The following CLVS1 variants were observed in gnomAD, a reference collection of about 807,000 sequenced individuals.
The protein encoded by CLVS1 is clavesin-1.
In CLVS1, 10 loss-of-function variants were observed where a neutral mutation model predicts 33.1. The observed-to-expected ratio is 0.30, with a 90% CI of 0.19 to 0.51. CLVS1 has a LOEUF of 0.51. CLVS1 is among the 20% of genes least tolerant of loss of function. The pLI, the probability that CLVS1 is intolerant of heterozygous loss-of-function variation, is 0.97. For synonymous variants in CLVS1, 163 were observed against 166.1 expected (o/e 0.98, Z 0.14); for missense variants, 343 against 433.4 (o/e 0.79, Z 1.85).
the CLVS1 span, among the ~76,000 whole-genome samples, chr8:61,044,049 A>T: frequency 0.011 from 1,641 of 152,356 alleles, 22 homozygotes; most frequent in African/African-American, 0.037. Context: ...TGATTCATTT[A>T]TCAAGTGACA....
chr8:61,246,035 GT>G (rs1280759291), intron 2 of CLVS1, among the ~76,000 whole-genome samples: 1 of 151,938 alleles, frequency 6.6e-6, no homozygotes, highest in Non-Finnish European at 1.5e-5. Context: ...GCCTCCCAAA[GT>G]TTTGGGATTA....
intron 3 of CLVS1, among the ~76,000 whole-genome samples, chr8:61,417,527 C>T (rs765744289): frequency 5.3e-5 from 8 of 152,144 alleles, no homozygotes; most frequent in Non-Finnish European, 1.2e-4. Flanking sequence ...TTTCTTTGAC[C>T]ACTGTGGGAT....
the CLVS1 span, among the ~76,000 whole-genome samples, chr8:60,978,880 A>T: frequency 3.0e-4 from 46 of 152,026 alleles, no homozygotes; most frequent in African/African-American, 1.0e-3. Context: ...AAAATGGTAC[A>T]CTATAACACT....
chr8:61,004,406 G>A, the CLVS1 span, among the ~76,000 whole-genome samples: 1 of 152,210 alleles, frequency 6.6e-6, no homozygotes, highest in African/African-American at 2.4e-5. Context: ...GCATCCATAA[G>A]AATGCATTGA....
chr8:61,484,968 G>C (rs1316294779), intron 5 of CLVS1, among the ~76,000 whole-genome samples: 1 of 152,002 alleles, frequency 6.6e-6, no homozygotes, highest in Non-Finnish European at 1.5e-5. Flanking sequence ...GACTTAAATG[G>C]TAGACCTAAA....
intron 3 of CLVS1, among the ~76,000 whole-genome samples, chr8:61,424,599 C>T (rs10102513): frequency 0.024 from 3,653 of 152,180 alleles, 156 homozygotes; most frequent in African/African-American, 0.084. Context: ...AATTAGAGCA[C>T]GTATAATAGT....
chr8:61,169,609 G>A (rs1423174943), intron 2 of CLVS1, among the ~76,000 whole-genome samples: 2 of 152,214 alleles, frequency 1.3e-5, no homozygotes, highest in Admixed American at 6.5e-5. Context: ...TCTTACCACT[G>A]CCCCGAAGAA....
At chr8:61,201,283 C>A (rs1263627248) in intron 2 of CLVS1, among the ~76,000 whole-genome samples, 1 of 152,098 alleles carries the variant, frequency 6.6e-6, no homozygotes, top group East Asian at 1.9e-4. Context: ...GAGGCCCAGC[C>A]AACTTAGTGA....
At chr8:61,039,895 G>A in the CLVS1 span, among the ~76,000 whole-genome samples, 1 of 152,194 alleles carries the variant, frequency 6.6e-6, no homozygotes, top group East Asian at 1.9e-4. Flanking sequence ...TGTTACATGA[G>A]CATATTGCAT....
intron 3 of CLVS1, among the ~76,000 whole-genome samples, chr8:61,380,406 C>T (rs1813824266): frequency 6.6e-6 from 1 of 152,090 alleles, no homozygotes; most frequent in African/African-American, 2.4e-5. Flanking sequence ...CAAAATTTAT[C>T]TTGTATCAGC....
At chr8:61,232,031 T>G (rs3021447) in intron 2 of CLVS1, among the ~76,000 whole-genome samples, 4 of 62,440 alleles carry the variant, frequency 6.4e-5, no homozygotes, top group African/African-American at 1.7e-4. Context: ...TGGTTTTTTT[T>G]TTTTTTTTTT....
At chr8:61,215,096 T>C (rs1381888277) in intron 2 of CLVS1, among the ~76,000 whole-genome samples, 1 of 152,150 alleles carries the variant, frequency 6.6e-6, no homozygotes, top group African/African-American at 2.4e-5. Flanking sequence ...GATAGCCCCA[T>C]TCCAACCCTA....
rs1811816556 is a variant in CLVS1, at chr8:61,336,615, A to G, written c.455+36333A>G. Among the ~76,000 whole-genome samples the G allele has an allele frequency of 2.0e-5, 3 of 152,348 alleles. No homozygotes were observed. The South Asian group carries it at 6.2e-4, about 32-fold the overall frequency. On this transcript the variant is annotated intron_variant, in intron 2 of 5. Transcript: ENST00000325897. ...GAAAACATGTGCATAAAAGGAGGAA[A>G]GAGGCCAAAGCAGAAAGAGGAGACT...
At chr8:61,398,038 A>G (rs574574393) in intron 3 of CLVS1, among the ~76,000 whole-genome samples, 1 of 152,166 alleles carries the variant, frequency 6.6e-6, no homozygotes, top group Non-Finnish European at 1.5e-5. Context: ...TGCACAAAAA[A>G]GGAGCTTGGA....
chr8:61,378,369 T>C (rs1585885862), intron 3 of CLVS1: 1 of 152,194 alleles, frequency 6.6e-6, no homozygotes, highest in East Asian at 1.9e-4. Context: ...TACATTGATG[T>C]GAACCTACTG....
At chr8:61,241,351 C>T (rs1808694140) in intron 2 of CLVS1, among the ~76,000 whole-genome samples, 1 of 151,998 alleles carries the variant, frequency 6.6e-6, no homozygotes, top group African/African-American at 2.4e-5. Context: ...TTCAAATTTT[C>T]AACCATCCTT....
At chr8:61,255,516 A>T (rs1385212404) in intron 2 of CLVS1, among the ~76,000 whole-genome samples, 1 of 152,206 alleles carries the variant, frequency 6.6e-6, no homozygotes, top group African/African-American at 2.4e-5. Flanking sequence ...AGGAGCGAAA[A>T]TAAACCAGTA....
chr8:61,368,746 G>A (rs1813313607), intron 2 of CLVS1, among the ~76,000 whole-genome samples: 1 of 152,308 alleles, frequency 6.6e-6, no homozygotes, highest in South Asian at 2.1e-4. Flanking sequence ...GTTATCAGAT[G>A]TTTGAATATA....
At chr8:61,487,224 A>G (rs1339995422) in intron 5 of CLVS1, among the ~76,000 whole-genome samples, 2 of 152,212 alleles carry the variant, frequency 1.3e-5, no homozygotes, top group East Asian at 3.8e-4. Context: ...TCAGACTGCA[A>G]TATGGATGTT....
Sources: allele counts gnomAD v4.1 joint callset (sites outside exome capture counted in the v4.1 genomes callset), GRCh38; gene constraint gnomAD v4.1.1; transcripts MANE v1.5; gene names NCBI Gene and HGNC (gene_info 2026-07-23, HGNC 2026-07-21).